Variants in TMPRSS15 observed in about 807,000 individuals in gnomAD.
The protein encoded by TMPRSS15 is transmembrane serine protease 15.
A neutral mutation model predicts 125.3 loss-of-function variants in TMPRSS15; 128 were observed. That is an observed-to-expected ratio of 1.02 (90% CI 0.89 to 1.18). TMPRSS15 has a LOEUF of 1.18. Ranked by LOEUF, TMPRSS15 falls within the 50% of genes most tolerant of loss-of-function variation. TMPRSS15 has a pLI of 0.00. For missense variants in TMPRSS15, 1,283 were observed against 1,212.7 expected, an observed-to-expected ratio of 1.06 and a Z score of -0.86; for synonymous variants, 446 against 423.2, an observed-to-expected ratio of 1.05 and a Z score of -0.66.
At position 18,353,037 on chromosome 21, in the gene TMPRSS15, T is replaced by C. The variant is rs201542054; in HGVS notation, c.1037A>G (p.Asn346Ser). ...SSELNNYEKI[N>S]CNFEDGFCFW... ...ACAAAAGCCATCCTCAAAGTTACAA[T>C]TAATTTTCTCATAATCTGTGAATGA... The change falls in exon 10 of 25, where the codon AAT (asparagine) becomes AGT (serine). Residue 346 changes from asparagine (N) to serine (S), a missense_variant. Physicochemically the swap from Asn to Ser is conservative, Grantham distance 46 (BLOSUM62 1). Coordinates refer to ENST00000284885, the MANE Select transcript of TMPRSS15 (RefSeq NM_002772.3). 5.3e-5 allele frequency: 86 copies of C among 1,610,230 alleles called. No individual in the cohort carries two copies. The highest frequency in any genetic ancestry group is 7.0e-5 in the Non-Finnish European group (83 of 1,178,508).
Position 18,279,051 on chromosome 21 carries a change from G to C in TMPRSS15, c.2677C>G (p.Gln893Glu), listed in dbSNP as rs777567484. ...TTTTCTTCCGGTAAACAAATAGGTT[G>C]TATGTAATCTGGAAAAACAAGCAAA... ...EFKVNYTDYI[Q>E]PICLPEENQV... is the part of the protein sequence containing the mutation. Residue 893 changes from glutamine to glutamate, a missense_variant, in exon 23 of 25, where the codon CAA becomes GAA. Gln to Glu is a conservative substitution (Grantham distance 29). Coordinates refer to ENST00000284885, the MANE Select transcript of TMPRSS15 (RefSeq NM_002772.3). 110 of 1,556,780 alleles carry C rather than the reference G, an allele frequency of 7.1e-5. No individual in the cohort carries two copies. The highest frequency in any genetic ancestry group is 1.7e-4 in the Middle Eastern group (1 of 5,978).
chr21:18,321,422 G>C (rs1418048130), intron 16 of TMPRSS15, among the ~76,000 whole-genome samples: 1 of 130,554 alleles, frequency 7.7e-6, no homozygotes, highest in East Asian at 2.2e-4. Flanking sequence ...GCGCGATCTC[G>C]GCTCACCGCA....
intron 1 of TMPRSS15, among the ~76,000 whole-genome samples, chr21:18,436,021 T>C (rs2076227091): frequency 6.7e-6 from 1 of 150,258 alleles, no homozygotes; most frequent in Non-Finnish European, 1.5e-5. Context: ...TTCTTCTCTC[T>C]TTTTTTCTTT....
At position 18,343,513 on chromosome 21, in the gene TMPRSS15, T is replaced by TAGG. The variant is rs2075471574; in HGVS notation, c.1420_1421insCCT (p.Lys474delinsThrTer). On this transcript the variant is annotated stop_gained and protein_altering_variant, in exon 12 of 25. Transcript: ENST00000284885. LOFTEE classifies it high-confidence loss of function. ...ATAAAGTATTTTGCAAACCTTAAAT[T>TAGG]TAACTGTTTCATTTAGGGTTACTTG... 2 of 1,609,830 alleles carry TAGG rather than the reference T, an allele frequency of 1.2e-6. No individual in the cohort carries two copies. The highest frequency in any genetic ancestry group is 3.3e-5 in the Admixed American group (2 of 59,940).
intron 1 of TMPRSS15, among the ~76,000 whole-genome samples, chr21:18,450,785 G>C (rs540813323): frequency 6.6e-6 from 1 of 152,282 alleles, no homozygotes; most frequent in African/African-American, 2.4e-5. Context: ...ATAAATTCCA[G>C]CCTTTTCAAA....
intron 23 of TMPRSS15, among the ~76,000 whole-genome samples, chr21:18,278,590 A>G (rs1601255170): frequency 7.1e-5 from 5 of 69,976 alleles, no homozygotes; most frequent in African/African-American, 2.6e-4. Context: ...GCATGGTGGC[A>G]GGCGCCTGTG....
intron 18 of TMPRSS15, among the ~76,000 whole-genome samples, chr21:18,309,878 T>C (rs187532381): frequency 2.2e-4 from 34 of 152,308 alleles, no homozygotes; most frequent in African/African-American, 8.2e-4. Flanking sequence ...TAATGAATAA[T>C]GAAATTCATT....
chr21:18,428,258 G>A (rs1302930199), intron 1 of TMPRSS15, among the ~76,000 whole-genome samples: 1 of 152,160 alleles, frequency 6.6e-6, no homozygotes, highest in Admixed American at 6.5e-5. Context: ...TGACTTGGGT[G>A]CGTTAAAGGT....
intron 7 of TMPRSS15, among the ~76,000 whole-genome samples, chr21:18,360,938 T>C (rs2075674316): frequency 6.6e-6 from 1 of 152,160 alleles, no homozygotes; most frequent in Non-Finnish European, 1.5e-5. Context: ...AGATGACAGC[T>C]ATCATATTCT....
At chr21:18,333,372 CA>C (rs925033838) in intron 13 of TMPRSS15, among the ~76,000 whole-genome samples, 1 of 152,042 alleles carries the variant, frequency 6.6e-6, no homozygotes, top group Non-Finnish European at 1.5e-5. Flanking sequence ...ATTATTTGTA[CA>C]AAGGAAATTT....
intron 17 of TMPRSS15, 144 bp from the exon 18 acceptor site, chr21:18,313,221 T>C (rs2075120252): frequency 8.5e-6 from 6 of 708,264 alleles, no homozygotes; most frequent in Non-Finnish European, 1.5e-5. Flanking sequence ...TGACTATAGT[T>C]AATAATAATG....
intron 8 of TMPRSS15, among the ~76,000 whole-genome samples, chr21:18,356,905 C>T (rs762987149): frequency 3.3e-5 from 5 of 151,738 alleles, no homozygotes; most frequent in Admixed American, 6.6e-5. Context: ...ATAAGCATGG[C>T]CTTACACAAT....
intron 4 of TMPRSS15, chr21:18,380,643 C>T (rs1276598934): frequency 4.3e-6 from 2 of 464,200 alleles, no homozygotes; most frequent in Non-Finnish European, 9.0e-6. Context: ...CATTACAAAA[C>T]ATTGAGTACA....
intron 24 of TMPRSS15, 89 bp from the exon 25 acceptor site, chr21:18,270,213 TA>T: frequency 1.8e-6 from 2 of 1,138,500 alleles, no homozygotes; most frequent in Non-Finnish European, 1.3e-6. Context: ...AATTAAAAAA[TA>T]AAAATTAATT....
intron 4 of TMPRSS15, among the ~76,000 whole-genome samples, chr21:18,380,204 CACTCATATATCTCTCATATGTA>C (rs2075879797): frequency 6.6e-6 from 1 of 151,196 alleles, no homozygotes; most frequent in Non-Finnish European, 1.5e-5. Context: ...CACACACACA[CACTCATATATCTCTCATATGTA>C]ACACACACAC....
intron 16 of TMPRSS15, among the ~76,000 whole-genome samples, chr21:18,316,347 AG>A (rs773252830): frequency 3.9e-5 from 6 of 152,340 alleles, no homozygotes; most frequent in Admixed American, 6.5e-5. Flanking sequence ...CTGTTACTCA[AG>A]CACAGAGAGG....
At chr21:18,400,189 T>C (rs764010947) in intron 1 of TMPRSS15, among the ~76,000 whole-genome samples, 19 of 152,136 alleles carry the variant, frequency 1.2e-4, no homozygotes, top group Non-Finnish European at 2.8e-4. Flanking sequence ...CCTATTAAAC[T>C]ATCAAACTCA....
chr21:18,275,934 T>A (rs1331494660), intron 23 of TMPRSS15, among the ~76,000 whole-genome samples: 2 of 152,140 alleles, frequency 1.3e-5, no homozygotes, highest in Admixed American at 1.3e-4. Context: ...ACAAAATGAT[T>A]CATCCACTAG....
chr21:18,397,820 A>G, intron 3 of TMPRSS15, 59 bp downstream of exon 3: 1 of 990,284 alleles, frequency 1.0e-6, no homozygotes, highest in Admixed American at 2.4e-5. Flanking sequence ...CTATTTTACA[A>G]ATATTAGCAA....
Sources: allele counts gnomAD v4.1 joint callset (sites outside exome capture counted in the v4.1 genomes callset), GRCh38; gene constraint gnomAD v4.1.1; transcripts MANE v1.5; gene names NCBI Gene and HGNC (gene_info 2026-07-23, HGNC 2026-07-21).